Variants in CELF2 observed in about 807,000 individuals in gnomAD.
CELF2 encodes the protein CUGBP Elav-like family member 2.
CELF2 carries 8 observed loss-of-function variants against 62.6 expected under a neutral mutation model. The ratio of observed to expected loss-of-function variants is 0.13; its 90% CI spans 0.07 to 0.23. The LOEUF is 0.23. CELF2 is among the 10% of genes least tolerant of loss of function. CELF2 has a pLI of 1.00. For missense variants in CELF2, 333 were observed against 671.0 expected, an observed-to-expected ratio of 0.50 and a Z score of 5.56; for synonymous variants, 258 against 250.0, an observed-to-expected ratio of 1.03 and a Z score of -0.30.
At chr10:10,710,242 A>G in the CELF2 span, among the ~76,000 whole-genome samples, 1 of 152,244 alleles carries the variant, frequency 6.6e-6, no homozygotes, top group Non-Finnish European at 1.5e-5. Flanking sequence ...AAATAAAGGG[A>G]GAAAAATGCA....
chr10:10,481,011 C>T, the CELF2 span, among the ~76,000 whole-genome samples: 5 of 152,030 alleles, frequency 3.3e-5, no homozygotes, highest in Non-Finnish European at 5.9e-5. Context: ...TGCAGTGAGC[C>T]GAGATCGCAC....
rs960491493 is a variant in CELF2 at position 11,021,021 on chromosome 10, AT to A, written c.74+2867del. 3.3e-5 allele frequency among the ~76,000 whole-genome samples: 5 copies of A among 152,020 alleles called. No homozygotes were observed. In the South Asian group the frequency reaches 1.0e-3, roughly 32 times the overall value. On this transcript the variant is annotated intron_variant, in intron 1 of 12. Transcript: ENST00000633077. ...CACAGCATAATGAAAACAGGCACTG[AT>A]TTTTTTTTAAATTTGATTTTAAACT... is the stretch of plus-strand genomic sequence containing the variant.
At chr10:10,564,766 A>T in the CELF2 span, among the ~76,000 whole-genome samples, 1 of 151,958 alleles carries the variant, frequency 6.6e-6, no homozygotes, top group Non-Finnish European at 1.5e-5. Flanking sequence ...CTTGGGTTCC[A>T]CAGTGCTCTA....
intron 1 of CELF2, among the ~76,000 whole-genome samples, chr10:10,823,583 C>CA (rs3028994): frequency 2.6e-5 from 4 of 151,132 alleles, no homozygotes; most frequent in South Asian, 2.1e-4. Flanking sequence ...TTCTTATGCA[C>CA]AAAAAAAAAT....
Position 11,269,831 on chromosome 10 carries a change from A to G in CELF2, c.619-835A>G, listed in dbSNP as rs1290518127. 1.3e-5 allele frequency among the ~76,000 whole-genome samples: 2 copies of G among 152,150 alleles called. No individual in the cohort carries two copies. Among genetic ancestry groups the G allele is most frequent in the Non-Finnish European group, 1.5e-5 (1 of 68,038 alleles). On this transcript the variant is annotated intron_variant, in intron 6 of 12. Transcript: ENST00000633077. This position sits in a 1 kb window ranked among gnomAD's most constrained non-coding sequence, Gnocchi z 4.4. ...TGTGACCTTTAGCCATTTCTTTCTC[A>G]CTACCCCTACTCCTTGCCTTTTAAA...
the CELF2 span, among the ~76,000 whole-genome samples, chr10:10,560,905 G>A: frequency 1.3e-5 from 2 of 152,074 alleles, no homozygotes; most frequent in Non-Finnish European, 2.9e-5. Flanking sequence ...TCTAAGGGAA[G>A]TAACTCAGCA....
At chr10:11,129,043 A>G (rs1055580086) in intron 1 of CELF2, among the ~76,000 whole-genome samples, 3 of 152,106 alleles carry the variant, frequency 2.0e-5, no homozygotes, top group Admixed American at 6.6e-5. Context: ...TTATTTTGAG[A>G]TGTGTTCCAT....
intron 2 of CELF2, among the ~76,000 whole-genome samples, chr10:10,968,094 T>C (rs1246363900): frequency 6.6e-6 from 1 of 152,134 alleles, no homozygotes; most frequent in Non-Finnish European, 1.5e-5. Flanking sequence ...TGTCTAGTCC[T>C]CACTTTTTTC....
At chr10:10,538,775 G>C in the CELF2 span, among the ~76,000 whole-genome samples, 19 of 152,352 alleles carry the variant, frequency 1.2e-4, no homozygotes, top group East Asian at 3.5e-3. Context: ...CCACCGTACT[G>C]ACTATATGTG....
rs932899719 is a variant in CELF2 at position 11,319,858 on chromosome 10, A to G, written c.1097-1331A>G. The G allele has an allele frequency of 8.5e-6, 4 of 470,950 alleles. No individual in the cohort carries two copies. Among genetic ancestry groups the G allele is most frequent in the African/African-American group, 2.0e-5 (1 of 50,022 alleles). 29.2% of individuals were successfully genotyped at this position (470,950 alleles called of 1,614,324 possible). ...GAAGCACAAGTGGAGTAAACAGAACATTCCCCACCTGCTCTGTTAGGGCAG... is the reference window on the plus strand; with the variant it reads ...GAAGCACAAGTGGAGTAAACAGAACGTTCCCCACCTGCTCTGTTAGGGCAG... On this transcript the variant is annotated intron_variant, in intron 10 of 12. Transcript: ENST00000633077. The surrounding 1 kb of genome is among the most constrained non-coding windows in gnomAD (Gnocchi z 4.4).
chr10:10,821,357 G>A (rs1030164657), intron 1 of CELF2, among the ~76,000 whole-genome samples: 4 of 152,322 alleles, frequency 2.6e-5, no homozygotes, highest in East Asian at 1.9e-4. Flanking sequence ...GGGCAGGCAC[G>A]GAGCCGAGCC....
chr10:11,153,372 A>T (rs928870425), intron 1 of CELF2, among the ~76,000 whole-genome samples: 7 of 152,222 alleles, frequency 4.6e-5, no homozygotes, highest in African/African-American at 1.7e-4. Context: ...CATTTATCTT[A>T]TAATTTTCTA....
At position 10,931,129 on chromosome 10, in the gene CELF2, A is replaced by G. The variant is rs1441972218; in HGVS notation, c.89+11130A>G. 6.6e-6 allele frequency among the ~76,000 whole-genome samples: 1 copy of G among 152,236 alleles called. No individual in the cohort carries two copies. The highest frequency in any genetic ancestry group is 1.5e-5 in the Non-Finnish European group (1 of 68,046). ...CCTTTCTTTTCGGATTAGGTTTTGT[A>G]AATGTTTCTATTATGTATTTTCCTT... On this transcript the variant is annotated intron_variant, in intron 2 of 13. Transcript: ENST00000636488. The surrounding 1 kb of genome is among the most constrained non-coding windows in gnomAD (Gnocchi z 6.1).
chr10:10,860,948 A>ATCTCAC (rs1286601398), intron 1 of CELF2, among the ~76,000 whole-genome samples: 1 of 152,154 alleles, frequency 6.6e-6, no homozygotes, highest in African/African-American at 2.4e-5. Flanking sequence ...AAAGACTGTA[A>ATCTCAC]TCTCACTATG....
At chr10:11,124,018 C>T (rs564417634) in intron 1 of CELF2, among the ~76,000 whole-genome samples, 44 of 152,280 alleles carry the variant, frequency 2.9e-4, no homozygotes, top group Non-Finnish European at 5.3e-4. Flanking sequence ...AGCAAAGTCA[C>T]GTCTTACATG....
intron 1 of CELF2, among the ~76,000 whole-genome samples, chr10:10,901,135 C>T (rs2062909437): frequency 6.6e-6 from 1 of 152,174 alleles, no homozygotes; most frequent in South Asian, 2.1e-4. Context: ...TAATGCAATA[C>T]CAGTCAACAT....
At chr10:10,953,333 C>T (rs2048529007) in intron 2 of CELF2, among the ~76,000 whole-genome samples, 1 of 152,164 alleles carries the variant, frequency 6.6e-6, no homozygotes, top group Admixed American at 6.5e-5. Context: ...GCTCAATTCA[C>T]TGTTCAGATT....
At chr10:10,991,723 G>C (rs948367430) in intron 2 of CELF2, among the ~76,000 whole-genome samples, 1 of 152,132 alleles carries the variant, frequency 6.6e-6, no homozygotes, top group African/African-American at 2.4e-5. Context: ...ACTTGAAAGA[G>C]GGAAGGAAAT....
the CELF2 span, among the ~76,000 whole-genome samples, chr10:10,791,011 T>G: frequency 1.3e-5 from 2 of 152,180 alleles, no homozygotes; most frequent in Non-Finnish European, 2.9e-5. Context: ...AGAGCATACC[T>G]CAGAGATTGT....
Sources: allele counts gnomAD v4.1 joint callset (sites outside exome capture counted in the v4.1 genomes callset), GRCh38; gene constraint gnomAD v4.1.1; non-coding constraint Gnocchi (gnomAD v3.1); transcripts MANE v1.5; gene names NCBI Gene and HGNC (gene_info 2026-07-23, HGNC 2026-07-21).